The following CTNNA3 variants were observed in gnomAD, a reference collection of about 807,000 sequenced individuals.
CTNNA3 encodes the protein catenin alpha-3.
In CTNNA3, 76 loss-of-function variants were observed where a neutral mutation model predicts 95.7. The ratio of observed to expected loss-of-function variants is 0.79; its 90% CI spans 0.66 to 0.96. The LOEUF (loss-of-function observed/expected upper bound fraction) is 0.96. Ranked by LOEUF, CTNNA3 falls within the 40% of genes least tolerant of loss-of-function variation. The pLI is 0.00. For synonymous variants in CTNNA3, 431 were observed against 374.4 expected (o/e 1.15, Z -1.74); for missense variants, 1,191 against 1,089.8 (o/e 1.09, Z -1.31).
At chr10:67,406,260 C>T (rs1845135374) in intron 5 of CTNNA3, among the ~76,000 whole-genome samples, 2 of 152,124 alleles carry the variant, frequency 1.3e-5, no homozygotes, top group African/African-American at 4.8e-5. Flanking sequence ...GGTATTTCAT[C>T]ATAGCAGCAT....
intron 13 of CTNNA3, among the ~76,000 whole-genome samples, chr10:66,222,579 A>C (rs960032874): frequency 6.7e-6 from 1 of 149,004 alleles, no homozygotes; most frequent in African/African-American, 2.5e-5. Context: ...GGAAAGAAAG[A>C]AGGAAAGAAA....
intron 14 of CTNNA3, among the ~76,000 whole-genome samples, chr10:66,088,362 T>A (rs1273852445): frequency 2.0e-5 from 3 of 152,044 alleles, no homozygotes; most frequent in African/African-American, 7.2e-5. Context: ...TAGACCAGTG[T>A]CTGTATAATA....
chr10:66,641,136 G>A (rs1406444779), intron 9 of CTNNA3, among the ~76,000 whole-genome samples: 1 of 152,034 alleles, frequency 6.6e-6, no homozygotes, highest in Non-Finnish European at 1.5e-5. Context: ...TTAAGTTATG[G>A]CCTATCCTTA....
At chr10:66,261,031 A>G (rs1157581500) in intron 13 of CTNNA3, among the ~76,000 whole-genome samples, 1 of 152,094 alleles carries the variant, frequency 6.6e-6, no homozygotes, top group Non-Finnish European at 1.5e-5. Flanking sequence ...TCCTATCCAT[A>G]AAATGGTTTT....
intron 7 of CTNNA3, among the ~76,000 whole-genome samples, chr10:67,163,857 A>C (rs1309367298): frequency 2.0e-5 from 3 of 152,052 alleles, no homozygotes; most frequent in Non-Finnish European, 4.4e-5. Context: ...GGTGAAAATT[A>C]AAATTAAAAA....
At chr10:67,544,676 T>C (rs907719825) in intron 3 of CTNNA3, among the ~76,000 whole-genome samples, 2 of 152,184 alleles carry the variant, frequency 1.3e-5, no homozygotes, top group African/African-American at 4.8e-5. Flanking sequence ...TTGAGGTAAC[T>C]GTACTTGCCA....
intron 7 of CTNNA3, among the ~76,000 whole-genome samples, chr10:66,988,204 C>A (rs1459237177): frequency 6.6e-6 from 1 of 152,102 alleles, no homozygotes; most frequent in East Asian, 1.9e-4. Context: ...ACTCAAGTAT[C>A]TTCATTGATT....
At chr10:66,993,995 T>C (rs554993269) in intron 7 of CTNNA3, among the ~76,000 whole-genome samples, 36 of 152,298 alleles carry the variant, frequency 2.4e-4, no homozygotes, top group African/African-American at 8.4e-4. Context: ...AGCAGGACAA[T>C]GTAACTTGGT....
chr10:67,384,250 T>C (rs16924445), intron 5 of CTNNA3, among the ~76,000 whole-genome samples: 1,677 of 152,310 alleles, frequency 0.011, 36 homozygotes, highest in African/African-American at 0.037. Context: ...ATTTGGCTCC[T>C]TTCTTTCTAG....
At chr10:66,886,812 C>G (rs906152620) in intron 7 of CTNNA3, among the ~76,000 whole-genome samples, 1 of 152,154 alleles carries the variant, frequency 6.6e-6, no homozygotes, top group Non-Finnish European at 1.5e-5. Context: ...CTGAGATACA[C>G]CATTTTCCTT....
intron 2 of CTNNA3, among the ~76,000 whole-genome samples, chr10:67,634,848 G>C (rs563976856): frequency 6.6e-6 from 1 of 152,136 alleles, no homozygotes; most frequent in Non-Finnish European, 1.5e-5. Flanking sequence ...AACCTATAAA[G>C]ATACTTAGAT....
At chr10:66,604,740 C>T (rs1465506018) in intron 10 of CTNNA3, among the ~76,000 whole-genome samples, 1 of 149,118 alleles carries the variant, frequency 6.7e-6, no homozygotes, top group Non-Finnish European at 1.5e-5. Flanking sequence ...TGGCAGAATT[C>T]ACTTCATAGC....
Position 67,219,688 on chromosome 10 carries a change from AT to A in CTNNA3, c.761del (p.Asn254MetfsTer9), listed in dbSNP as rs1175187601. 1.2e-6 allele frequency: 2 copies of A among 1,614,046 alleles called. No homozygotes were observed. Among genetic ancestry groups the A allele is most frequent in the African/African-American group, 2.7e-5 (2 of 74,928 alleles). On this transcript the variant is annotated frameshift_variant, in exon 6 of 18. Transcript: ENST00000433211. LOFTEE classifies it high-confidence loss of function. Reference sequence around the variant, plus strand: ...TCATATTCTGGATCCCTTGTGAAGCATTTGAAATTACATTGAGAGCATTCTG... The same window carrying A: ...TCATATTCTGGATCCCTTGTGAAGCATTGAAATTACATTGAGAGCATTCTG... ...EIQNALNVIS[N>X]ASQGIQNMTT... is the part of the protein sequence containing the mutation.
chr10:67,059,797 T>C (rs976621465), intron 7 of CTNNA3, among the ~76,000 whole-genome samples: 3 of 152,200 alleles, frequency 2.0e-5, no homozygotes, highest in Admixed American at 6.5e-5. Context: ...TAGGAGTCCA[T>C]GACTTTTATT....
chr10:66,912,674 T>C (rs1225760789), intron 7 of CTNNA3, among the ~76,000 whole-genome samples: 3 of 152,090 alleles, frequency 2.0e-5, no homozygotes, highest in Non-Finnish European at 4.4e-5. Context: ...AGAACGGTAG[T>C]AAAAAATATT....
Position 66,392,072 on chromosome 10 carries a change from C to CA in CTNNA3, c.1532-12721dup, listed in dbSNP as rs34103227. 6.6e-5 allele frequency among the ~76,000 whole-genome samples: 10 copies of CA among 151,734 alleles called. No individual in the cohort carries two copies. The East Asian group carries it at 1.4e-3, about 21-fold the overall frequency. The stretch of plus-strand genomic sequence containing the variant: ...AAAAACATAATTAACAATTTTTTTA[C>CA]AAAAAAATGAATACATTGGACTTCG... On this transcript the variant is annotated intron_variant, in intron 11 of 17. Coordinates refer to ENST00000433211, the MANE Select transcript of CTNNA3 (RefSeq NM_013266.4).
chr10:66,170,113 G>A (rs1396612295), intron 13 of CTNNA3, among the ~76,000 whole-genome samples: 1 of 151,874 alleles, frequency 6.6e-6, no homozygotes, highest in Non-Finnish European at 1.5e-5. Flanking sequence ...TGTCTAGAAG[G>A]GTTTTTCTGA....
intron 6 of CTNNA3, among the ~76,000 whole-genome samples, chr10:67,202,605 G>C (rs764881395): frequency 3.8e-4 from 58 of 152,158 alleles, no homozygotes; most frequent in Middle Eastern, 3.4e-3. Context: ...TTTAATGTAA[G>C]AATTAATAAT....
intron 7 of CTNNA3, among the ~76,000 whole-genome samples, chr10:66,876,005 C>T (rs1447700625): frequency 6.6e-6 from 1 of 152,132 alleles, no homozygotes; most frequent in Admixed American, 6.6e-5. Context: ...AGGCCCAAGA[C>T]TTGTTTAAGA....
Sources: gnomAD v4.1 joint callset for allele counts (sites outside exome capture counted in the v4.1 genomes callset) on GRCh38, gnomAD v4.1.1 for gene constraint, MANE v1.5 for transcripts, NCBI Gene and HGNC (gene_info 2026-07-23, HGNC 2026-07-21) for gene names.